FAM217B: variants seen among roughly 807,000 people sequenced by gnomAD.
The protein encoded by FAM217B is family with sequence similarity 217 member B.
For missense variants in FAM217B, 463 were observed against 456.9 expected (o/e 1.01, Z -0.12); for synonymous variants, 163 against 173.0 (o/e 0.94, Z 0.45).
chr20:59,939,087 T>C, upstream of FAM217B: 1 of 1,590,310 alleles, frequency 6.3e-7, no homozygotes, highest in Non-Finnish European at 8.5e-7. Context: ...GTGCAGCGCG[T>C]GGTTGCGACA....
chr20:59,939,792 GGGCTCCCAGGGGGCCTACAGGCCCGC>G (rs2060888572), upstream of FAM217B: 2 of 1,227,710 alleles, frequency 1.6e-6, no homozygotes, highest in East Asian at 3.2e-5. Context: ...CGCGCGGCCC[GGGCTCCCAGGGGGCCTACAGGCCCGC>G]GGCTCCAGGG....
In FAM217B at chr20:59,944,314, C is replaced by T; in HGVS notation, c.371C>T (p.Pro124Leu). ...AATCTTCGAGCTGAAGAAATTGATC[C>T]AGTTTACTTTGATCTTCACCCTGGT... ...DLNLRAEEID[P>L]VYFDLHPGQG... The change falls in exon 4 of 4, where the codon CCA becomes CTA. Residue 124 changes from proline to leucine, a missense_variant. By Grantham distance (98) the Pro-to-Leu change is moderately conservative. Transcript: ENST00000360816. The T allele has an allele frequency of 1.2e-6, 2 of 1,614,094 alleles. No individual in the cohort carries two copies. Among genetic ancestry groups the T allele is most frequent in the East Asian group, 2.2e-5 (1 of 44,880 alleles).
upstream of FAM217B, chr20:59,938,713 G>A (rs1320061757): frequency 1.2e-5 from 3 of 258,854 alleles, no homozygotes; most frequent in Admixed American, 1.1e-4. Flanking sequence ...CTAGCAGGAG[G>A]ACTTGGGCCT....
At chr20:59,934,172 C>T (rs1349217756) in intron 1 of FAM217B, among the ~76,000 whole-genome samples, 1 of 152,150 alleles carries the variant, frequency 6.6e-6, no homozygotes, top group East Asian at 1.9e-4. Context: ...CTCCTGCCGG[C>T]AGGGGGCGCA....
rs1472537467 is a variant in FAM217B at position 59,947,485 on chromosome 20, CAA to C, written c.*2391_*2392del. 1.9e-5 allele frequency: 3 copies of C among 161,140 alleles called. No homozygotes were observed. In the Admixed American group the frequency reaches 2.0e-4, roughly 11 times the overall value. 10.0% of individuals were successfully genotyped at this position (161,140 alleles called of 1,614,324 possible). A position where few individuals can be genotyped will look rare whatever the true frequency, so the allele number is the denominator to read the frequency against. ...TGCCATTGCACTCCAGCCTGGGCAA[CAA>C]GAGGGAAACTCCGTTTCAAAAAAAA... is the stretch of plus-strand genomic sequence containing the variant. On this transcript the variant is annotated 3_prime_UTR_variant, in exon 4 of 4. Coordinates refer to ENST00000360816, the MANE Select transcript of FAM217B (RefSeq NM_022106.3).
At chr20:59,943,608 GT>G (rs1004507039) in intron 3 of FAM217B, among the ~76,000 whole-genome samples, 160 of 148,334 alleles carry the variant, frequency 1.1e-3, no homozygotes, top group Middle Eastern at 3.5e-3. Flanking sequence ...CCAAACTAAT[GT>G]TTTTTTTTTA....
chr20:59,936,438 C>T (rs1242526316), upstream of FAM217B, among the ~76,000 whole-genome samples: 1 of 152,142 alleles, frequency 6.6e-6, no homozygotes, highest in Non-Finnish European at 1.5e-5. Flanking sequence ...GTTTTCTTCC[C>T]CCATGTGCAA....
At chr20:59,937,572 G>C (rs1351915155), upstream of FAM217B, 1 of 152,242 alleles carries the variant, frequency 6.6e-6, no homozygotes, top group Non-Finnish European at 1.5e-5. Context: ...AAAATTTAGA[G>C]TTAATTTCTT....
intron 1 of FAM217B, among the ~76,000 whole-genome samples, chr20:59,935,325 G>A (rs2060854480): frequency 6.6e-6 from 1 of 152,034 alleles, no homozygotes; most frequent in African/African-American, 2.4e-5. Flanking sequence ...CTTTTTTATT[G>A]CTTCATGTGT....
At chr20:59,938,553 G>A (rs1267018600), upstream of FAM217B, 5 of 152,764 alleles carry the variant, frequency 3.3e-5, no homozygotes, top group African/African-American at 1.2e-4. Context: ...GTTTACTGTG[G>A]GCACAAACAC....
intron 3 of FAM217B, among the ~76,000 whole-genome samples, chr20:59,942,821 ACAGG>A (rs1246998034): frequency 6.6e-6 from 1 of 152,220 alleles, no homozygotes; most frequent in Non-Finnish European, 1.5e-5. Flanking sequence ...ATGCATACTG[ACAGG>A]CAGGAACAAA....
intron 1 of FAM217B, 155 bp from the exon 2 acceptor site, chr20:59,942,043 A>T (rs1341591543): frequency 6.6e-6 from 1 of 152,344 alleles, no homozygotes; most frequent in Non-Finnish European, 1.5e-5. Flanking sequence ...TCCCTTCCCC[A>T]GTATTTCATA....
upstream of FAM217B, chr20:59,939,220 A>G: frequency 6.2e-7 from 1 of 1,610,708 alleles, no homozygotes; most frequent in Non-Finnish European, 8.5e-7. Flanking sequence ...GGAAAGCCGA[A>G]GGTGAAAACG....
Position 59,948,247 on chromosome 20 carries a change from T to C in FAM217B, c.*3152T>C, listed in dbSNP as rs2060949188. The C allele has an allele frequency of 6.0e-6, 1 of 167,052 alleles. No homozygotes were observed. The highest frequency in any genetic ancestry group is 2.4e-5 in the African/African-American group (1 of 41,442). 10.3% of individuals were successfully genotyped at this position (167,052 alleles called of 1,614,324 possible). A position where few individuals can be genotyped will look rare whatever the true frequency, so the allele number is the denominator to read the frequency against. On this transcript the variant is annotated 3_prime_UTR_variant, in exon 4 of 4. Transcript: ENST00000360816. ...ACTAACTTGAATAGGATAGACTTCATACCCTGTGACAAAAAGGATGGGGAA... is the reference window on the plus strand; with the variant it reads ...ACTAACTTGAATAGGATAGACTTCACACCCTGTGACAAAAAGGATGGGGAA...
rs765416130 is a variant in FAM217B at position 59,948,139 on chromosome 20, TCAGTATTTG to T, written c.*3055_*3063del. ...AGTACAAAAATGAACTAAAAGTATA[TCAGTATTTG>T]CAGTATTTGCTGTGATTACTTAGGT... On this transcript the variant is annotated 3_prime_UTR_variant, in exon 4 of 4. Coordinates refer to ENST00000360816, the MANE Select transcript of FAM217B (RefSeq NM_022106.3). The T allele has an allele frequency of 1.2e-5, 2 of 166,552 alleles. No homozygotes were observed. Among genetic ancestry groups the T allele is most frequent in the East Asian group, 1.9e-4 (1 of 5,202 alleles). The allele number at this position is 166,552 out of a possible 1,614,324, so 10.3% of individuals were successfully genotyped here.
chr20:59,941,622 TATATA>T (rs1435149009), intron 1 of FAM217B, among the ~76,000 whole-genome samples: 2 of 152,192 alleles, frequency 1.3e-5, no homozygotes, highest in Non-Finnish European at 2.9e-5. Context: ...AAAGAGATGA[TATATA>T]ATATGTAATA....
intron 1 of FAM217B, among the ~76,000 whole-genome samples, chr20:59,941,021 T>G (rs895417967): frequency 8.5e-5 from 13 of 152,198 alleles, no homozygotes; most frequent in African/African-American, 2.9e-4. Context: ...TCTCCGACTT[T>G]TAGCTTTGTT....
chr20:59,940,063 G>A, upstream of FAM217B: 1 of 721,866 alleles, frequency 1.4e-6, no homozygotes, highest in Non-Finnish European at 2.0e-6. Context: ...CTCGGGCCCG[G>A]TGCGCCCTAC....
intron 3 of FAM217B, among the ~76,000 whole-genome samples, chr20:59,942,726 A>C (rs1647320153): frequency 1.3e-5 from 2 of 152,224 alleles, no homozygotes; most frequent in African/African-American, 4.8e-5. Context: ...TAGCAGAATT[A>C]TAATTTTGAG....
Sources: gnomAD v4.1 joint callset for allele counts (sites outside exome capture counted in the v4.1 genomes callset) on GRCh38, gnomAD v4.1.1 for gene constraint, MANE v1.5 for transcripts, NCBI Gene and HGNC (gene_info 2026-07-23, HGNC 2026-07-21) for gene names.